Variants in OR10J1 observed in about 807,000 individuals in gnomAD.
OR10J1 encodes olfactory receptor 10J1.
For synonymous variants in OR10J1, 202 were observed against 143.8 expected (o/e 1.40, Z -2.89); for missense variants, 474 against 376.6 (o/e 1.26, Z -2.14).
chr1:159,419,250 G>A, the OR10J1 span, among the ~76,000 whole-genome samples: 4 of 152,108 alleles, frequency 2.6e-5, no homozygotes, highest in South Asian at 4.1e-4. Flanking sequence ...GAATGATATG[G>A]TTTGACTCTG....
the OR10J1 span, among the ~76,000 whole-genome samples, chr1:159,422,806 T>C: frequency 1.3e-5 from 2 of 151,990 alleles, no homozygotes; most frequent in South Asian, 2.1e-4. Flanking sequence ...GTTGTAGGAG[T>C]CTTGGGTGAA....
chr1:159,418,695 A>G, the OR10J1 span, among the ~76,000 whole-genome samples: 1 of 152,200 alleles, frequency 6.6e-6, no homozygotes, highest in African/African-American at 2.4e-5. Flanking sequence ...TAGTGGAGCT[A>G]TGAGAAGAGG....
chr1:159,417,293 C>G, the OR10J1 span, among the ~76,000 whole-genome samples: 1 of 151,990 alleles, frequency 6.6e-6, no homozygotes, highest in African/African-American at 2.4e-5. Context: ...ATCTTATTTC[C>G]TCCACAATTC....
the OR10J1 span, among the ~76,000 whole-genome samples, chr1:159,413,389 C>T: frequency 1.1e-4 from 17 of 151,868 alleles, no homozygotes; most frequent in South Asian, 1.7e-3. Flanking sequence ...CACATGCACA[C>T]GTATGTTTAT....
the OR10J1 span, among the ~76,000 whole-genome samples, chr1:159,398,478 T>C: frequency 1.3e-5 from 2 of 152,132 alleles, no homozygotes; most frequent in African/African-American, 4.8e-5. Flanking sequence ...TCAAAATAGA[T>C]GTGTTGAGGA....
the OR10J1 span, among the ~76,000 whole-genome samples, chr1:159,413,031 G>A: frequency 3.4e-4 from 52 of 152,058 alleles, 1 homozygote; most frequent in East Asian, 1.4e-3. Flanking sequence ...GGCAAAGGAC[G>A]TGAACAGACA....
chr1:159,418,682 G>A, the OR10J1 span, among the ~76,000 whole-genome samples: 4 of 152,204 alleles, frequency 2.6e-5, no homozygotes, highest in Non-Finnish European at 4.4e-5. Flanking sequence ...CTGGGACACT[G>A]GCTAGTGGAG....
At position 159,440,858 on chromosome 1, in the gene OR10J1, C is replaced by T. The variant is rs1453336695; in HGVS notation, c.*137C>T. The T allele has an allele frequency of 1.1e-6, 1 of 876,348 alleles. No individual in the cohort carries two copies. Among genetic ancestry groups the T allele is most frequent in the African/African-American group, 1.7e-5 (1 of 59,974 alleles). The allele number at this position is 876,348 out of a possible 1,614,324, so 54.3% of individuals were successfully genotyped here. A position where few individuals can be genotyped will look rare whatever the true frequency, so the allele number is the denominator to read the frequency against. On this transcript the variant is annotated 3_prime_UTR_variant, in exon 1 of 1. Coordinates refer to ENST00000423932, the MANE Select transcript of OR10J1 (RefSeq NM_012351.3). ...AAAGAGGAATAGCAGTTTCATACAA[C>T]TGGGAGTCTGAAGCTTTAAATAAAG...
At chr1:159,412,080 A>G in the OR10J1 span, among the ~76,000 whole-genome samples, 5,979 of 152,158 alleles carry the variant, frequency 0.039, 232 homozygotes, top group East Asian at 0.087. Context: ...GTGAACTCCC[A>G]TTCACAATTG....
In OR10J1 at chr1:159,440,868, G is replaced by T. The variant is rs1041328225; in HGVS notation, c.*147G>T. ...AGCAGTTTCATACAACTGGGAGTCT[G>T]AAGCTTTAAATAAAGTTACTGGATG... is the stretch of plus-strand genomic sequence containing the variant. On this transcript the variant is annotated 3_prime_UTR_variant, in exon 1 of 1. Transcript: ENST00000423932. 5 of 810,298 alleles carry T rather than the reference G, an allele frequency of 6.2e-6. No individual in the cohort carries two copies. 50.2% of individuals were successfully genotyped at this position (810,298 alleles called of 1,614,324 possible).
At chr1:159,403,015 G>A in the OR10J1 span, among the ~76,000 whole-genome samples, 1 of 151,954 alleles carries the variant, frequency 6.6e-6, no homozygotes, top group East Asian at 1.9e-4. Flanking sequence ...TAGGGGAAAA[G>A]ACTCTCTTCA....
the OR10J1 span, among the ~76,000 whole-genome samples, chr1:159,423,917 A>G: frequency 2.0e-5 from 3 of 152,116 alleles, no homozygotes; most frequent in Non-Finnish European, 2.9e-5. Context: ...ATATGAATGG[A>G]CAGCCAAGGT....
chr1:159,412,228 G>A, the OR10J1 span, among the ~76,000 whole-genome samples: 1 of 151,846 alleles, frequency 6.6e-6, no homozygotes. Context: ...CTCATGGGTA[G>A]GAAGAATCAA....
chr1:159,423,296 G>C, the OR10J1 span, among the ~76,000 whole-genome samples: 2 of 151,950 alleles, frequency 1.3e-5, no homozygotes, highest in Non-Finnish European at 2.9e-5. Context: ...TTTAGCTTTT[G>C]GTTTACATGC....
upstream of OR10J1, among the ~76,000 whole-genome samples, chr1:159,437,382 CCTATAA>C (rs1192047852): frequency 6.6e-6 from 1 of 152,032 alleles, no homozygotes; most frequent in East Asian, 1.9e-4. Flanking sequence ...AGAGTTCCTG[CCTATAA>C]GCAAAAGGCC....
the OR10J1 span, among the ~76,000 whole-genome samples, chr1:159,406,957 C>T: frequency 3.3e-5 from 5 of 152,106 alleles, no homozygotes; most frequent in Middle Eastern, 3.2e-3. Context: ...TGTGGGCGAG[C>T]CACCCAAACT....
At chr1:159,405,658 G>A in the OR10J1 span, 3 of 484,150 alleles carry the variant, frequency 6.2e-6, no homozygotes, top group Admixed American at 2.5e-5. Flanking sequence ...GGTGCAGGTG[G>A]CACAGGCCTT....
chr1:159,427,879 T>G, the OR10J1 span, among the ~76,000 whole-genome samples: 225 of 152,278 alleles, frequency 1.5e-3, no homozygotes, highest in Non-Finnish European at 8.7e-4. Context: ...TTAAAACGTA[T>G]GAATGAGCCA....
chr1:159,411,302 A>G, the OR10J1 span, among the ~76,000 whole-genome samples: 5 of 152,234 alleles, frequency 3.3e-5, no homozygotes, highest in East Asian at 7.7e-4. Flanking sequence ...GTGGAGTGTT[A>G]AAGTCTCCCA....
Sources: allele counts gnomAD v4.1 joint callset (sites outside exome capture counted in the v4.1 genomes callset), GRCh38; gene constraint gnomAD v4.1.1; transcripts MANE v1.5; gene names NCBI Gene and HGNC (gene_info 2026-07-23, HGNC 2026-07-21).